Variants in AHI1 observed in about 807,000 individuals in gnomAD.
AHI1 encodes Abelson helper integration site 1.
AHI1 carries 123 observed loss-of-function variants against 149.3 expected under a neutral mutation model. The observed-to-expected ratio is 0.82, with a 90% CI of 0.71 to 0.96. AHI1 has a LOEUF of 0.96. Ranked by LOEUF, AHI1 falls within the 40% of genes least tolerant of loss-of-function variation. The pLI is 0.00. For missense variants in AHI1, 1,439 were observed against 1,422.7 expected, an observed-to-expected ratio of 1.01 and a Z score of -0.18; for synonymous variants, 475 against 459.8, an observed-to-expected ratio of 1.03 and a Z score of -0.42.
At chr6:135,374,334 G>T (rs1021870951) in intron 23 of AHI1, among the ~76,000 whole-genome samples, 2 of 151,286 alleles carry the variant, frequency 1.3e-5, no homozygotes, top group African/African-American at 4.9e-5. Context: ...GGCTGGTCTC[G>T]ATCTCCTGAC....
intron 27 of AHI1, among the ~76,000 whole-genome samples, chr6:135,293,502 C>T (rs1244917830): frequency 6.8e-6 from 1 of 146,504 alleles, no homozygotes; most frequent in Non-Finnish European, 1.5e-5. Context: ...TGTCTGTCTA[C>T]ACAGAATATC....
intron 5 of AHI1, among the ~76,000 whole-genome samples, chr6:135,472,218 C>A (rs1299168352): frequency 1.3e-5 from 2 of 152,090 alleles, no homozygotes; most frequent in Non-Finnish European, 2.9e-5. Flanking sequence ...TCTGACCCTA[C>A]TCAACCACTG....
At chr6:135,385,059 T>G (rs1777388060) in intron 23 of AHI1, among the ~76,000 whole-genome samples, 1 of 152,046 alleles carries the variant, frequency 6.6e-6, no homozygotes, top group Non-Finnish European at 1.5e-5. Context: ...ACTGCACTCC[T>G]GCCTGGGCGA....
intron 27 of AHI1, among the ~76,000 whole-genome samples, chr6:135,292,588 G>C (rs1782501682): frequency 6.6e-6 from 1 of 152,172 alleles, no homozygotes; most frequent in African/African-American, 2.4e-5. Context: ...GCAGTGAACT[G>C]ATGAGTGCAC....
At chr6:135,433,001 G>T in intron 16 of AHI1, 26 bp downstream of exon 16, 1 of 1,549,220 alleles carries the variant, frequency 6.5e-7, no homozygotes, top group Non-Finnish European at 8.9e-7. Flanking sequence ...CACATAGCTG[G>T]TCTTCATTCA....
In AHI1 at chr6:135,431,273, C is replaced by T. The variant is rs1049221524; in HGVS notation, c.2308G>A (p.Val770Ile). 1 of 1,609,142 alleles carries T rather than the reference C, an allele frequency of 6.2e-7. No homozygotes were observed. Reference protein sequence around the residue: ...YSGDCTGVIVVWNTYVKINDL... With the variant: ...YSGDCTGVIVIWNTYVKINDL... ...TTAATCTTGACATAGGTATTCCAAA[C>T]AACAATCACCCCTGTACAATCTCCT... is the stretch of plus-strand genomic sequence containing the variant. The change falls in exon 17 of 29, where the codon GTT becomes ATT. Residue 770 changes from valine to isoleucine, a missense_variant. Val to Ile is a conservative substitution (Grantham distance 29, BLOSUM62 3). Coordinates refer to ENST00000265602, the MANE Select transcript of AHI1 (RefSeq NM_001134831.2).
intron 24 of AHI1, among the ~76,000 whole-genome samples, chr6:135,342,265 T>C (rs1429751588): frequency 6.6e-6 from 1 of 151,654 alleles, no homozygotes; most frequent in East Asian, 1.9e-4. Flanking sequence ...AAAATGTGAA[T>C]AGGCCAATAA....
intron 22 of AHI1, among the ~76,000 whole-genome samples, chr6:135,397,939 T>C (rs1583026007): frequency 6.6e-6 from 1 of 151,898 alleles, no homozygotes; most frequent in South Asian, 2.1e-4. Context: ...CACAAATTCA[T>C]CTCTCTCCCA....
intron 27 of AHI1, among the ~76,000 whole-genome samples, chr6:135,294,712 A>G (rs1015477326): frequency 6.6e-6 from 1 of 150,538 alleles, no homozygotes; most frequent in Non-Finnish European, 1.5e-5. Flanking sequence ...AAAAAAAAAA[A>G]AAAAAGAAAA....
chr6:135,344,963 T>TA lies in AHI1; in HGVS notation c.3165+13168dup, dbSNP rs1043194667. The stretch of plus-strand genomic sequence containing the variant: ...ACACACACACACACACACAGTATAT[T>TA]AAAAAAATCTAGTATACATAATTAT... On this transcript the variant is annotated intron_variant, in intron 24 of 28. Transcript: ENST00000265602. Among the ~76,000 whole-genome samples, 10 of 127,574 alleles carry TA rather than the reference T, an allele frequency of 7.8e-5. 1 individual carries two copies. In the South Asian group the frequency reaches 1.2e-3, roughly 16 times the overall value. The allele number at this position is 127,574 out of a possible 152,430, so 83.7% of individuals were successfully genotyped here.
chr6:135,299,335 T>C (rs1374881155), intron 27 of AHI1, among the ~76,000 whole-genome samples: 2 of 152,242 alleles, frequency 1.3e-5, no homozygotes, highest in Admixed American at 6.5e-5. Flanking sequence ...ATTTTTGTAC[T>C]GGAAGAGACA....
chr6:135,401,392 T>C (rs1454534806), intron 22 of AHI1, among the ~76,000 whole-genome samples: 1 of 152,164 alleles, frequency 6.6e-6, no homozygotes, highest in Non-Finnish European at 1.5e-5. Context: ...ACTCAATAAA[T>C]ACTTGCTTAA....
chr6:135,491,093 T>C (rs1054684364), intron 4 of AHI1, among the ~76,000 whole-genome samples: 10 of 152,170 alleles, frequency 6.6e-5, no homozygotes, highest in African/African-American at 2.4e-4. Context: ...TCCTTATCTG[T>C]AAAATCACAA....
intron 15 of AHI1, among the ~76,000 whole-genome samples, chr6:135,433,516 A>C (rs1431865703): frequency 6.6e-6 from 1 of 152,170 alleles, no homozygotes; most frequent in Non-Finnish European, 1.5e-5. Flanking sequence ...TATAAAATTA[A>C]TAACTTTTTA....
intron 5 of AHI1, among the ~76,000 whole-genome samples, chr6:135,487,152 TCTTA>T (rs67830849): frequency 0.027 from 4,040 of 152,288 alleles, 107 homozygotes; most frequent in African/African-American, 0.062. Context: ...CTCAGTTTGC[TCTTA>T]CTTAAATTTC....
intron 6 of AHI1, among the ~76,000 whole-genome samples, chr6:135,467,327 C>G (rs989854044): frequency 5.9e-5 from 9 of 151,788 alleles, no homozygotes; most frequent in Non-Finnish European, 1.5e-5. Flanking sequence ...AAATGAACAC[C>G]AAAGGAAAAT....
chr6:135,357,888 TG>T (rs1389300416), intron 24 of AHI1, among the ~76,000 whole-genome samples: 4 of 152,198 alleles, frequency 2.6e-5, no homozygotes, highest in African/African-American at 9.6e-5. Flanking sequence ...TAAATAATGA[TG>T]CTAGTGCACA....
At chr6:135,470,388 A>G (rs1403015135) in intron 5 of AHI1, among the ~76,000 whole-genome samples, 1 of 152,184 alleles carries the variant, frequency 6.6e-6, no homozygotes. Context: ...TAGTTCAACC[A>G]TTGTGGAAGA....
At chr6:135,324,085 C>T (rs180722319) in intron 24 of AHI1, among the ~76,000 whole-genome samples, 51 of 152,140 alleles carry the variant, frequency 3.4e-4, no homozygotes, top group Non-Finnish European at 1.5e-4. Context: ...TTTGGGAGGC[C>T]GAGGCAGGAG....
Sources: allele counts gnomAD v4.1 joint callset (sites outside exome capture counted in the v4.1 genomes callset), GRCh38; gene constraint gnomAD v4.1.1; transcripts MANE v1.5; gene names NCBI Gene and HGNC (gene_info 2026-07-23, HGNC 2026-07-21).